SCHIP1: variants seen among roughly 807,000 people sequenced by gnomAD.
SCHIP1 encodes schwannomin interacting protein 1.
In SCHIP1, 8 loss-of-function variants were observed where a neutral mutation model predicts 29.7. That is an observed-to-expected ratio of 0.27 (90% CI 0.16 to 0.49). The LOEUF (loss-of-function observed/expected upper bound fraction) is 0.49, where lower values mean the gene tolerates loss of function less well. Ranked by LOEUF, SCHIP1 falls within the 20% of genes least tolerant of loss-of-function variation. SCHIP1 has a pLI of 0.99. For missense variants in SCHIP1, 193 were observed against 294.6 expected, an observed-to-expected ratio of 0.66 and a Z score of 2.52; for synonymous variants, 76 against 94.9, an observed-to-expected ratio of 0.80 and a Z score of 1.16.
the SCHIP1 span, among the ~76,000 whole-genome samples, chr3:159,318,742 C>T: frequency 2.6e-5 from 4 of 152,248 alleles, no homozygotes; most frequent in East Asian, 1.9e-4. Context: ...AGGGCCTGCT[C>T]GAGCCCGATC....
the SCHIP1 span, among the ~76,000 whole-genome samples, chr3:159,644,964 A>G: frequency 3.9e-5 from 6 of 152,140 alleles, no homozygotes; most frequent in Admixed American, 3.3e-4. Context: ...CTAAATATTG[A>G]TACACCTTGA....
the SCHIP1 span, among the ~76,000 whole-genome samples, chr3:159,726,849 C>T: frequency 3.3e-5 from 5 of 152,124 alleles, no homozygotes; most frequent in East Asian, 1.9e-4. Context: ...CAAAATTGCT[C>T]GAAGAGAAGA....
chr3:159,315,374 AT>A, the SCHIP1 span, among the ~76,000 whole-genome samples: 1 of 127,156 alleles, frequency 7.9e-6, no homozygotes, highest in East Asian at 2.2e-4. Flanking sequence ...AATTTTTTGT[AT>A]TTTTTTGTAT....
chr3:159,300,261 G>A, the SCHIP1 span, among the ~76,000 whole-genome samples: 1 of 151,500 alleles, frequency 6.6e-6, no homozygotes, highest in Non-Finnish European at 1.5e-5. Flanking sequence ...AAGTTGATGG[G>A]ACTACAGGCA....
intron 1 of SCHIP1, among the ~76,000 whole-genome samples, chr3:159,859,990 TGTGTGC>T (rs1294377536): frequency 6.6e-6 from 1 of 151,500 alleles, no homozygotes; most frequent in African/African-American, 2.4e-5. Context: ...TGTGTGTGTG[TGTGTGC>T]GTGTGTGTGT....
chr3:159,433,809 A>G, the SCHIP1 span, among the ~76,000 whole-genome samples: 8 of 151,854 alleles, frequency 5.3e-5, no homozygotes, highest in African/African-American at 1.9e-4. Context: ...CTTTTTTATG[A>G]CTCTTAATTA....
the SCHIP1 span, among the ~76,000 whole-genome samples, chr3:159,544,403 G>A: frequency 6.6e-6 from 1 of 151,966 alleles, no homozygotes; most frequent in Non-Finnish European, 1.5e-5. Context: ...CTGCTGAGTG[G>A]TAGGGTATGC....
the SCHIP1 span, among the ~76,000 whole-genome samples, chr3:159,543,741 G>C: frequency 6.6e-6 from 1 of 152,034 alleles, no homozygotes; most frequent in Non-Finnish European, 1.5e-5. Flanking sequence ...CCAGTAATGG[G>C]ATGGCTAGGT....
the SCHIP1 span, among the ~76,000 whole-genome samples, chr3:159,553,462 T>A: frequency 6.6e-6 from 1 of 152,202 alleles, no homozygotes; most frequent in East Asian, 1.9e-4. Context: ...TTATTGATAG[T>A]TTGAATGTCT....
chr3:159,569,621 A>G, the SCHIP1 span, among the ~76,000 whole-genome samples: 2 of 152,334 alleles, frequency 1.3e-5, no homozygotes, highest in East Asian at 1.9e-4. Flanking sequence ...TAGTACTGCA[A>G]TAAACATACA....
At chr3:159,643,068 A>T in the SCHIP1 span, among the ~76,000 whole-genome samples, 1 of 152,204 alleles carries the variant, frequency 6.6e-6, no homozygotes, top group African/African-American at 2.4e-5. Context: ...TTGGTGAAAC[A>T]TCTTATGTGC....
chr3:159,801,559 G>A, the SCHIP1 span, among the ~76,000 whole-genome samples: 1 of 152,134 alleles, frequency 6.6e-6, no homozygotes, highest in Non-Finnish European at 1.5e-5. Flanking sequence ...AGTTCCATAA[G>A]TGTGTGCCTC....
At chr3:159,333,734 TCAA>T in the SCHIP1 span, among the ~76,000 whole-genome samples, 6 of 152,178 alleles carry the variant, frequency 3.9e-5, no homozygotes, top group Non-Finnish European at 7.4e-5. Flanking sequence ...TAGTCTGATA[TCAA>T]CAAAATATCA....
chr3:159,533,706 C>G, the SCHIP1 span, among the ~76,000 whole-genome samples: 1 of 152,124 alleles, frequency 6.6e-6, no homozygotes, highest in Non-Finnish European at 1.5e-5. Flanking sequence ...AAGGAAACAT[C>G]CAAGACTCTT....
the SCHIP1 span, among the ~76,000 whole-genome samples, chr3:159,814,008 G>A: frequency 4.6e-5 from 7 of 152,280 alleles, no homozygotes; most frequent in East Asian, 1.4e-3. Flanking sequence ...AGGCAGCCCA[G>A]ATCTACAACA....
the SCHIP1 span, among the ~76,000 whole-genome samples, chr3:159,510,892 C>A: frequency 6.6e-6 from 1 of 152,188 alleles, no homozygotes; most frequent in Non-Finnish European, 1.5e-5. Context: ...GGGGGTGCCT[C>A]CCAGTTAGGC....
the SCHIP1 span, among the ~76,000 whole-genome samples, chr3:159,640,328 G>A: frequency 1.8e-4 from 28 of 152,260 alleles, no homozygotes; most frequent in Admixed American, 9.8e-4. Flanking sequence ...ACCAGCAACT[G>A]TGTATGATAG....
At chr3:159,413,029 GC>G in the SCHIP1 span, among the ~76,000 whole-genome samples, 1 of 152,150 alleles carries the variant, frequency 6.6e-6, no homozygotes, top group African/African-American at 2.4e-5. Flanking sequence ...GAAAGGGGAA[GC>G]AAACATGTCC....
At chr3:159,718,191 C>T in the SCHIP1 span, among the ~76,000 whole-genome samples, 51 of 152,184 alleles carry the variant, frequency 3.4e-4, no homozygotes, top group South Asian at 8.3e-4. Flanking sequence ...GCCTTTCATG[C>T]GAAAAACTCT....
Sources: gnomAD v4.1 joint callset for allele counts (sites outside exome capture counted in the v4.1 genomes callset) on GRCh38, gnomAD v4.1.1 for gene constraint, MANE v1.5 for transcripts, NCBI Gene and HGNC (gene_info 2026-07-23, HGNC 2026-07-21) for gene names.